The following RASGRP3 variants were observed in gnomAD, a reference collection of about 807,000 sequenced individuals.
RASGRP3 encodes ras guanyl-releasing protein 3.
RASGRP3 carries 54 observed loss-of-function variants against 82.7 expected under a neutral mutation model. The observed-to-expected ratio is 0.65, with a 90% CI of 0.52 to 0.82. The LOEUF (loss-of-function observed/expected upper bound fraction) is 0.82, where lower values mean the gene tolerates loss of function less well. RASGRP3 is among the 40% of genes least tolerant of loss of function. The probability of loss-of-function intolerance (pLI) is 0.00; values close to 1 mark genes in which losing one functional copy is unlikely to be tolerated. For synonymous variants in RASGRP3, 309 were observed against 300.5 expected (o/e 1.03, Z -0.29); for missense variants, 861 against 828.9 (o/e 1.04, Z -0.48).
intron 2 of RASGRP3, among the ~76,000 whole-genome samples, chr2:33,465,514 C>A (rs767558058): frequency 2.0e-5 from 3 of 152,120 alleles, no homozygotes; most frequent in Non-Finnish European, 4.4e-5. Context: ...CAGAGCAAGA[C>A]CCTGTGTCAA....
At chr2:33,537,609 C>T (rs947396534) in intron 11 of RASGRP3, among the ~76,000 whole-genome samples, 2 of 152,096 alleles carry the variant, frequency 1.3e-5, no homozygotes, top group South Asian at 2.1e-4. Flanking sequence ...GATCCACCTG[C>T]CTCAGCCTCC....
At chr2:33,456,222 T>C (rs879234024) in intron 2 of RASGRP3, among the ~76,000 whole-genome samples, 1 of 152,222 alleles carries the variant, frequency 6.6e-6, no homozygotes, top group African/African-American at 2.4e-5. Context: ...ACCTGTGGAA[T>C]TGAACTGAGT....
chr2:33,555,378 T>G, intron 14 of RASGRP3, 153 bp from the exon 15 acceptor site: 2 of 524,114 alleles, frequency 3.8e-6, no homozygotes, highest in South Asian at 3.0e-5. Context: ...CGGGAGAGGG[T>G]TCTTCTATCT....
intron 10 of RASGRP3, among the ~76,000 whole-genome samples, chr2:33,531,298 A>G (rs1009871721): frequency 5.9e-5 from 9 of 152,222 alleles, no homozygotes; most frequent in Non-Finnish European, 1.2e-4. Flanking sequence ...ACAAGAGCAA[A>G]TGTTCTTGAA....
In RASGRP3 at chr2:33,553,802, G is replaced by A. The variant is rs568589951; in HGVS notation, c.1543-1729G>A. ...CTCTCTCTGTCGCCTGCAGTGGCGC[G>A]ATCTTGGCTCACTGCAACCTCTACC... On this transcript the variant is annotated intron_variant, in intron 14 of 17. Coordinates refer to ENST00000403687, the MANE Select transcript of RASGRP3 (RefSeq NM_001139488.2). 8.6e-5 allele frequency among the ~76,000 whole-genome samples: 13 copies of A among 152,046 alleles called. No homozygotes were observed. The East Asian group carries it at 1.5e-3, about 18-fold the overall frequency.
Position 33,549,743 on chromosome 2 carries a change from G to A in RASGRP3, c.1534G>A (p.Ala512Thr), listed in dbSNP as rs1675191730. The A allele has an allele frequency of 6.2e-7, 1 of 1,613,032 alleles. No homozygotes were observed. Among genetic ancestry groups the A allele is most frequent in the Admixed American group, 1.7e-5 (1 of 59,836 alleles). ...CAAGCCAACCTTCTGCGAACACTGT[G>A]CGGGATTTGTAAGTCTGTTTTCCGT... is the stretch of plus-strand genomic sequence containing the variant. ...YLKPTFCEHC[A>T]GFLWGIIKQG... The change falls in exon 14 of 18, where the codon GCG becomes ACG. Residue 512 changes from alanine (A) to threonine (T), a missense_variant. Ala to Thr is a moderately conservative substitution (Grantham distance 58). Transcript: ENST00000403687.
chr2:33,530,191 C>T (rs1374392454), intron 10 of RASGRP3, among the ~76,000 whole-genome samples: 1 of 152,160 alleles, frequency 6.6e-6, no homozygotes, highest in Non-Finnish European at 1.5e-5. Context: ...AGGGGTGATT[C>T]ATTTTGCCTC....
intron 1 of RASGRP3, among the ~76,000 whole-genome samples, chr2:33,492,815 T>C (rs1206045087): frequency 6.6e-6 from 1 of 152,190 alleles, no homozygotes; most frequent in African/African-American, 2.4e-5. Context: ...TGGCCCGTAA[T>C]GTAGCTGTGC....
intron 1 of RASGRP3, among the ~76,000 whole-genome samples, chr2:33,505,491 G>T (rs369806067): frequency 1.3e-5 from 2 of 151,842 alleles, no homozygotes; most frequent in South Asian, 4.2e-4. Flanking sequence ...TAGTAGAGAC[G>T]GGGTTTCTCC....
chr2:33,490,599 C>T (rs1322883380), intron 1 of RASGRP3, among the ~76,000 whole-genome samples: 1 of 152,220 alleles, frequency 6.6e-6, no homozygotes, highest in East Asian at 1.9e-4. Context: ...CCTCAAGATG[C>T]TTTGCTGCTC....
intron 2 of RASGRP3, among the ~76,000 whole-genome samples, chr2:33,469,355 G>A (rs1666915388): frequency 6.6e-6 from 1 of 151,722 alleles, no homozygotes; most frequent in Admixed American, 6.6e-5. Flanking sequence ...AGCTCCTTCT[G>A]TTGTGACTGT....
At chr2:33,548,360 CAAAAAAA>C (rs775598057) in intron 13 of RASGRP3, among the ~76,000 whole-genome samples, 65 of 78,724 alleles carry the variant, frequency 8.3e-4, no homozygotes, top group African/African-American at 3.1e-3. Flanking sequence ...GACTCCGTCT[CAAAAAAA>C]AAAAAAAAAA....
At chr2:33,498,496 G>C (rs1453591501) in intron 1 of RASGRP3, among the ~76,000 whole-genome samples, 1 of 150,626 alleles carries the variant, frequency 6.6e-6, no homozygotes, top group African/African-American at 2.4e-5. Context: ...TATGTCACAT[G>C]GGCTTTCACA....
intron 1 of RASGRP3, among the ~76,000 whole-genome samples, chr2:33,491,655 CTCTTGTGGT>C (rs1668855004): frequency 6.6e-6 from 1 of 152,238 alleles, no homozygotes; most frequent in South Asian, 2.1e-4. Context: ...TGCATCTGAA[CTCTTGTGGT>C]TTGTGAGCCA....
At chr2:33,521,674 C>T (rs900213898) in intron 6 of RASGRP3, among the ~76,000 whole-genome samples, 4 of 152,216 alleles carry the variant, frequency 2.6e-5, no homozygotes, top group African/African-American at 4.8e-5. Flanking sequence ...ATACTAGCCC[C>T]GACCTTTCCT....
chr2:33,490,923 A>G (rs1189422218), intron 1 of RASGRP3, among the ~76,000 whole-genome samples: 2 of 152,232 alleles, frequency 1.3e-5, no homozygotes, highest in Non-Finnish European at 2.9e-5. Context: ...CCAGTAAAGA[A>G]TGATTTGGAT....
intron 1 of RASGRP3, among the ~76,000 whole-genome samples, chr2:33,478,761 T>C (rs1388192824): frequency 3.3e-5 from 5 of 152,222 alleles, no homozygotes; most frequent in African/African-American, 1.2e-4. Context: ...TTATCGGAGT[T>C]ACGGTGCAGA....
chr2:33,448,206 T>G (rs948716040), intron 2 of RASGRP3, among the ~76,000 whole-genome samples: 1 of 152,248 alleles, frequency 6.6e-6, no homozygotes, highest in Non-Finnish European at 1.5e-5. Flanking sequence ...TTTAATCCCA[T>G]GTCTGGTGGT....
intron 10 of RASGRP3, chr2:33,532,625 A>T (rs975055395): frequency 6.6e-6 from 1 of 152,166 alleles, no homozygotes; most frequent in African/African-American, 2.4e-5. Flanking sequence ...GGGAGTGATT[A>T]CTGTTCAGGG....
Sources: gnomAD v4.1 joint callset for allele counts (sites outside exome capture counted in the v4.1 genomes callset) on GRCh38, gnomAD v4.1.1 for gene constraint, MANE v1.5 for transcripts, NCBI Gene and HGNC (gene_info 2026-07-23, HGNC 2026-07-21) for gene names.